TTC7B: variants seen among roughly 807,000 people sequenced by gnomAD.
TTC7B encodes the protein tetratricopeptide repeat domain 7B.
TTC7B carries 28 observed loss-of-function variants against 106.8 expected under a neutral mutation model. The observed-to-expected ratio is 0.26, with a 90% CI of 0.19 to 0.36. The LOEUF (loss-of-function observed/expected upper bound fraction) is 0.36. TTC7B is among the 10% of genes least tolerant of loss of function. The pLI, the probability that TTC7B is intolerant of heterozygous loss-of-function variation, is 1.00. For synonymous variants in TTC7B, 405 were observed against 430.6 expected (o/e 0.94, Z 0.74); for missense variants, 862 against 1,076.4 (o/e 0.80, Z 2.79).
Position 90,578,110 on chromosome 14 carries a change from C to T in TTC7B, c.2306G>A (p.Arg769Gln), listed in dbSNP as rs148000946. The change falls in exon 19 of 20, where the codon CGA becomes CAA. Residue 769 changes from arginine (R) to glutamine (Q), a missense_variant. Coordinates refer to ENST00000328459, the MANE Select transcript of TTC7B (RefSeq NM_001010854.2). This position sits in a 1 kb window ranked among gnomAD's most constrained non-coding sequence, Gnocchi z 4.7. ...CCGCCGGGCTCGTGGACTCACCAGT[C>T]GCTGCATGCTCTTCACGTGGGTGGG... ...ISPTHVKSMQ[R>Q]LALILHQLGR... The T allele has an allele frequency of 9.9e-6, 16 of 1,609,064 alleles. No homozygotes were observed. In the South Asian group the frequency reaches 1.0e-4, roughly 10 times the overall value.
intron 19 of TTC7B, among the ~76,000 whole-genome samples, chr14:90,543,152 A>G (rs1465824489): frequency 6.6e-6 from 1 of 152,172 alleles, no homozygotes; most frequent in Non-Finnish European, 1.5e-5. Flanking sequence ...TTCCCAGCTT[A>G]TTATTTGACT....
chr14:90,599,490 C>T (rs996669342), intron 17 of TTC7B, among the ~76,000 whole-genome samples: 4 of 152,192 alleles, frequency 2.6e-5, no homozygotes, highest in Non-Finnish European at 1.5e-5. Flanking sequence ...AGATGTCAGC[C>T]GACCACCTCA....
intron 19 of TTC7B, among the ~76,000 whole-genome samples, chr14:90,552,577 C>T (rs976300495): frequency 7.9e-5 from 12 of 152,208 alleles, no homozygotes; most frequent in Non-Finnish European, 1.5e-4. Context: ...GTGGCCACTT[C>T]ACCTCCAGAT....
chr14:90,642,010 A>C (rs1885201277), intron 15 of TTC7B, among the ~76,000 whole-genome samples: 1 of 152,068 alleles, frequency 6.6e-6, no homozygotes, highest in Non-Finnish European at 1.5e-5. Flanking sequence ...GATGAGAGAC[A>C]CTGAATTCAA....
At chr14:90,586,921 G>A (rs1891739259) in intron 18 of TTC7B, among the ~76,000 whole-genome samples, 1 of 152,086 alleles carries the variant, frequency 6.6e-6, no homozygotes, top group Non-Finnish European at 1.5e-5. Flanking sequence ...CCACACTCAG[G>A]TTTCCTTCTG....
intron 5 of TTC7B, chr14:90,699,018 G>T: frequency 2.9e-6 from 1 of 346,692 alleles, no homozygotes; most frequent in Non-Finnish European, 5.6e-6. Context: ...TCCTTCCAGG[G>T]CTTGTCTGCT....
intron 9 of TTC7B, among the ~76,000 whole-genome samples, chr14:90,669,055 T>C (rs1566827831): frequency 6.6e-6 from 1 of 151,774 alleles, no homozygotes; most frequent in Non-Finnish European, 1.5e-5. Flanking sequence ...CAGGAAAAAA[T>C]TCATAAATTT....
At chr14:90,605,722 C>A (rs1056405768) in intron 17 of TTC7B, 1 of 1,282,624 alleles carries the variant, frequency 7.8e-7, no homozygotes, top group Admixed American at 2.3e-5. Flanking sequence ...AGATTCGGTT[C>A]TTGAAAGAGG....
chr14:90,744,729 A>G (rs974502834), intron 4 of TTC7B, 63 bp downstream of exon 4: 4 of 1,550,018 alleles, frequency 2.6e-6, no homozygotes, highest in Non-Finnish European at 3.5e-6. Context: ...GATTAATCTC[A>G]GTTGTCCACT....
At chr14:90,668,831 T>C (rs1886518772) in intron 9 of TTC7B, among the ~76,000 whole-genome samples, 1 of 81,030 alleles carries the variant, frequency 1.2e-5, no homozygotes, top group African/African-American at 4.4e-5. Context: ...TTTCAACTTT[T>C]TTTTTTTTTT....
intron 18 of TTC7B, among the ~76,000 whole-genome samples, chr14:90,586,366 G>T (rs906214497): frequency 1.3e-5 from 2 of 152,158 alleles, no homozygotes; most frequent in South Asian, 4.1e-4. Context: ...CACCTCCCAG[G>T]TTCAAGCGAT....
chr14:90,695,455 G>C, intron 6 of TTC7B, 45 bp downstream of exon 6: 1 of 1,173,988 alleles, frequency 8.5e-7, no homozygotes, highest in Non-Finnish European at 1.2e-6. Context: ...ATACCTATGA[G>C]ACAAGTGCCC....
chr14:90,689,749 C>A (rs749700943), intron 6 of TTC7B, 37 bp from the exon 7 acceptor site: 1 of 1,606,392 alleles, frequency 6.2e-7, no homozygotes, highest in Admixed American at 1.7e-5. Flanking sequence ...AGCCATGAAT[C>A]TATCTTGTAT....
At chr14:90,760,514 G>T (rs1595354982) in intron 3 of TTC7B, among the ~76,000 whole-genome samples, 1 of 152,152 alleles carries the variant, frequency 6.6e-6, no homozygotes, top group Admixed American at 6.5e-5. Context: ...CTGACACTCA[G>T]GCCACTATTT....
chr14:90,799,264 C>A (rs368687220), intron 1 of TTC7B, among the ~76,000 whole-genome samples: 74 of 152,306 alleles, frequency 4.9e-4, no homozygotes, highest in African/African-American at 1.7e-3. Context: ...CAGCTTGGAG[C>A]AGCTTCCCTT....
intron 3 of TTC7B, among the ~76,000 whole-genome samples, chr14:90,748,112 C>T (rs368855655): frequency 6.6e-6 from 1 of 152,030 alleles, no homozygotes; most frequent in Non-Finnish European, 1.5e-5. Context: ...GTATTTAAAT[C>T]ATTTATATTT....
chr14:90,607,227 T>C lies in TTC7B; in HGVS notation c.1966+3515A>G, dbSNP rs76456082. 9.7e-3 allele frequency among the ~76,000 whole-genome samples: 1,483 copies of C among 152,316 alleles called. 18 individuals are homozygous for C. The highest frequency in any genetic ancestry group is 0.011 in the Non-Finnish European group (726 of 68,030). On this transcript the variant is annotated intron_variant, in intron 17 of 19. Coordinates refer to ENST00000328459, the MANE Select transcript of TTC7B (RefSeq NM_001010854.2). ...GAAAACAAAACAGATCCAAGAGGAC[T>C]TGCGGCCTCACAAAGGAATCTGCCT...
intron 1 of TTC7B, among the ~76,000 whole-genome samples, chr14:90,793,792 G>A (rs1595377481): frequency 6.6e-6 from 1 of 151,186 alleles, no homozygotes; most frequent in African/African-American, 2.4e-5. Context: ...ATTTTTAGTA[G>A]AGACAGGGTT....
chr14:90,774,812 G>T (rs1771141334), intron 3 of TTC7B, among the ~76,000 whole-genome samples: 1 of 152,198 alleles, frequency 6.6e-6, no homozygotes, highest in South Asian at 2.1e-4. Flanking sequence ...GGCCGAGGCG[G>T]GTGGATCATC....
Sources: allele counts gnomAD v4.1 joint callset (sites outside exome capture counted in the v4.1 genomes callset), GRCh38; gene constraint gnomAD v4.1.1; non-coding constraint Gnocchi (gnomAD v3.1); transcripts MANE v1.5; gene names NCBI Gene and HGNC (gene_info 2026-07-23, HGNC 2026-07-21).